The following TAAR2 variants were observed in gnomAD, a reference collection of about 807,000 sequenced individuals.
TAAR2 encodes the protein trace amine associated receptor 2.
TAAR2 carries 30 observed loss-of-function variants against 25.5 expected under a neutral mutation model. That is an observed-to-expected ratio of 1.18 (90% CI 0.88 to 1.60). The LOEUF (loss-of-function observed/expected upper bound fraction) is 1.60, where lower values mean the gene tolerates loss of function less well. Among genes scored for constraint, TAAR2 ranks in the 40% most tolerant of loss-of-function variants. The pLI is 0.00. For missense variants in TAAR2, 481 were observed against 416.5 expected (o/e 1.15, Z -1.35); for synonymous variants, 150 against 142.4 (o/e 1.05, Z -0.38).
rs201583865 is a variant in TAAR2, at chr6:132,618,091, A to G, written c.115T>C (p.Ser39Pro). Residue 39 changes from serine to proline, a missense_variant, in exon 2 of 2, where the codon TCT becomes CCT. Physicochemically the swap from Ser to Pro is moderately conservative, Grantham distance 74 (BLOSUM62 -1). Coordinates refer to ENST00000367931, the MANE Select transcript of TAAR2 (RefSeq NM_001033080.1). Reference protein sequence around the residue: ...GNRSCPENERSLGVRVAMYSF... With the variant: ...GNRSCPENERPLGVRVAMYSF... ...TACATAGCCACTCGGACACCCAGAG[A>G]TCTTTCATTTTCTGGGCAAGATCTA... 18 of 1,612,564 alleles carry G rather than the reference A, an allele frequency of 1.1e-5. No individual in the cohort carries two copies. Among genetic ancestry groups the G allele is most frequent in the Middle Eastern group, 3.3e-4 (2 of 6,020 alleles).
chr6:132,622,354 G>A (rs1353050492), intron 1 of TAAR2, among the ~76,000 whole-genome samples: 1 of 150,380 alleles, frequency 6.6e-6, no homozygotes, highest in Non-Finnish European at 1.5e-5. Flanking sequence ...TTTTTTTAAG[G>A]GGTAGGGAGG....
At chr6:132,618,278 G>T in intron 1 of TAAR2, 133 bp from the exon 2 acceptor site, 1 of 835,350 alleles carries the variant, frequency 1.2e-6, no homozygotes, top group South Asian at 2.1e-5. Flanking sequence ...TATTACTCAT[G>T]ATCTTTCCCA....
intron 1 of TAAR2, among the ~76,000 whole-genome samples, chr6:132,618,642 GA>G (rs879678522): frequency 1.3e-3 from 190 of 141,204 alleles, no homozygotes; most frequent in South Asian, 7.5e-3. Flanking sequence ...TCCATCTCGA[GA>G]AAAAAAAAAA....
chr6:132,621,756 A>G (rs1394227923), intron 1 of TAAR2, among the ~76,000 whole-genome samples: 3 of 152,270 alleles, frequency 2.0e-5, no homozygotes, highest in East Asian at 3.9e-4. Context: ...AACACATAAT[A>G]TGATGTCTAC....
chr6:132,624,237 G>T lies in TAAR2; in HGVS notation c.39C>A (p.Phe13Leu). Residue 13 changes from phenylalanine to leucine, a missense_variant, in exon 1 of 2, where the codon TTC becomes TTA. Phe to Leu is a conservative substitution (Grantham distance 22, BLOSUM62 0). Coordinates refer to ENST00000367931, the MANE Select transcript of TAAR2 (RefSeq NM_001033080.1). Reference sequence around the variant, plus strand: ...CTACCTTTTTTGTCTGTGTTCTTTTGAAATGTGAAAGTTCATGTTGCTCTG... The same window carrying T: ...CTACCTTTTTTGTCTGTGTTCTTTTTAAATGTGAAAGTTCATGTTGCTCTG... The part of the protein sequence containing the change: ...VSSEQHELSH[F>L]KRTQTKKEKF... 2.5e-6 allele frequency: 4 copies of T among 1,613,458 alleles called. No homozygotes were observed. The highest frequency in any genetic ancestry group is 3.4e-6 in the Non-Finnish European group (4 of 1,179,684).
At chr6:132,618,416 G>T (rs976242066) in intron 1 of TAAR2, among the ~76,000 whole-genome samples, 1 of 152,114 alleles carries the variant, frequency 6.6e-6, no homozygotes, top group African/African-American at 2.4e-5. Context: ...GAGGCAGGGG[G>T]AGCACTGAAG....
intron 1 of TAAR2, among the ~76,000 whole-genome samples, chr6:132,623,623 T>A (rs1777403949): frequency 6.6e-6 from 1 of 151,224 alleles, no homozygotes; most frequent in Non-Finnish European, 1.5e-5. Flanking sequence ...TTAATGTGTA[T>A]ATGGAACCAG....
intron 1 of TAAR2, 105 bp downstream of exon 1, chr6:132,624,111 G>A (rs1046068516): frequency 1.4e-5 from 15 of 1,081,920 alleles, no homozygotes; most frequent in East Asian, 1.0e-4. Flanking sequence ...TTTAGATCTG[G>A]AGGAATTGAG....
intron 1 of TAAR2, among the ~76,000 whole-genome samples, chr6:132,621,618 C>CA (rs1400037618): frequency 1.3e-5 from 2 of 151,340 alleles, no homozygotes; most frequent in East Asian, 1.9e-4. Flanking sequence ...CATCTTGCAC[C>CA]CACTCTTGTT....
chr6:132,617,675 C>T lies in TAAR2; in HGVS notation c.531G>A (p.Gly177=). The change falls in exon 2 of 2, where the codon GGG becomes GGA. Residue 177 remains glycine (G), a synonymous_variant. Transcript: ENST00000367931. The part of the protein sequence containing the change: ...CWSVPGAFAF[G]VVFSEAYADG... ...CTGCATAGGCCTCTGAGAAGACCAC[C>T]CCGAAGGCAAATGCTCCAGGGACCG... 2 of 1,613,862 alleles carry T rather than the reference C, an allele frequency of 1.2e-6. No homozygotes were observed. The highest frequency in any genetic ancestry group is 1.7e-6 in the Non-Finnish European group (2 of 1,179,980).
intron 1 of TAAR2, among the ~76,000 whole-genome samples, chr6:132,619,658 A>G (rs1777349472): frequency 6.6e-6 from 1 of 152,238 alleles, no homozygotes; most frequent in Non-Finnish European, 1.5e-5. Flanking sequence ...AAGCACATCA[A>G]CACTTAAAAC....
chr6:132,619,689 G>C (rs556262572), intron 1 of TAAR2, among the ~76,000 whole-genome samples: 3 of 152,300 alleles, frequency 2.0e-5, no homozygotes, highest in Non-Finnish European at 4.4e-5. Flanking sequence ...CTGCACCTCA[G>C]ATGAAAGCAA....
intron 1 of TAAR2, among the ~76,000 whole-genome samples, chr6:132,623,890 T>C (rs981621393): frequency 6.6e-6 from 1 of 151,932 alleles, no homozygotes; most frequent in South Asian, 2.1e-4. Flanking sequence ...CCTTGAGTTA[T>C]GGGGGGACCT....
chr6:132,624,152 T>C (rs1777412344), intron 1 of TAAR2, 64 bp downstream of exon 1: 1 of 1,472,104 alleles, frequency 6.8e-7, no homozygotes, highest in Non-Finnish European at 9.4e-7. Context: ...ATAATTCACA[T>C]GTTTATGCCA....
At position 132,617,317 on chromosome 6, in the gene TAAR2, A is replaced by T; in HGVS notation, c.889T>A (p.Phe297Ile). 6.2e-7 allele frequency: 1 copy of T among 1,613,756 alleles called. No individual in the cohort carries two copies. Among genetic ancestry groups the T allele is most frequent in the Non-Finnish European group, 8.5e-7 (1 of 1,179,900 alleles). The change falls in exon 2 of 2, where the codon TTT (phenylalanine) becomes ATT (isoleucine). Residue 297 changes from phenylalanine (F) to isoleucine (I), a missense_variant. Transcript: ENST00000367931. ...FLNFSTPVVL[F>I]DALTWFGYFN... ...TAGCCAAACCATGTCAAGGCATCAA[A>T]CAAAACTACAGGAGTAGAGAAGTTC...
In TAAR2 at chr6:132,624,228, T is replaced by C; in HGVS notation, c.48A>G (p.Thr16=). ...TTTAAGGGCCTACCTTTTTTGTCTG[T>C]GTTCTTTTGAAATGTGAAAGTTCAT... is the stretch of plus-strand genomic sequence containing the variant. ...EQHELSHFKR[T]QTKKEKFNCS... is the part of the protein sequence containing the mutation. Residue 16 remains threonine, a synonymous_variant, in exon 1 of 2, where the codon ACA becomes ACG. Transcript: ENST00000367931. 6.2e-7 allele frequency: 1 copy of C among 1,613,544 alleles called. No homozygotes were observed. Among genetic ancestry groups the C allele is most frequent in the Non-Finnish European group, 8.5e-7 (1 of 1,179,676 alleles).
At position 132,618,017 on chromosome 6, in the gene TAAR2, G is replaced by A. The variant is rs769114307; in HGVS notation, c.189C>T (p.Ala63=). Residue 63 remains alanine (A), a synonymous_variant, in exon 2 of 2, where the codon GCC becomes GCT. Coordinates refer to ENST00000367931, the MANE Select transcript of TAAR2 (RefSeq NM_001033080.1). ...TGAAGTAGGAAATGGAAATTATCAT[G>A]GCAAGATTGCCAAATATTGTGATGA... ...SIFITIFGNL[A]MIISISYFKQ... 1 of 1,613,984 alleles carries A rather than the reference G, an allele frequency of 6.2e-7. No individual in the cohort carries two copies. Among genetic ancestry groups the A allele is most frequent in the African/African-American group, 1.3e-5 (1 of 75,040 alleles).
chr6:132,624,182 T>G (rs1379009608), intron 1 of TAAR2, 34 bp downstream of exon 1: 1 of 1,598,818 alleles, frequency 6.3e-7, no homozygotes, highest in South Asian at 1.1e-5. Flanking sequence ...CAGATGCTAC[T>G]GGTTTAAACT....
chr6:132,617,260 C>A lies in TAAR2; in HGVS notation c.946G>T (p.Gly316Cys), dbSNP rs530254657. 3.7e-6 allele frequency: 6 copies of A among 1,613,586 alleles called. No individual in the cohort carries two copies. In the East Asian group the frequency reaches 1.1e-4, roughly 30 times the overall value. The change falls in exon 2 of 2, where the codon GGT becomes TGT. Residue 316 changes from glycine (G) to cysteine (C), a missense_variant. Coordinates refer to ENST00000367931, the MANE Select transcript of TAAR2 (RefSeq NM_001033080.1). ...CTGCGAAACCAGGGATAGAAGAAACCATATATTAACGGATTACATGTGGAG... is the reference window on the plus strand; with the variant it reads ...CTGCGAAACCAGGGATAGAAGAAACAATATATTAACGGATTACATGTGGAG... ...FNSTCNPLIY[G>C]FFYPWFRRAL... is the part of the protein sequence containing the mutation.
Sources: allele counts gnomAD v4.1 joint callset (sites outside exome capture counted in the v4.1 genomes callset), GRCh38; gene constraint gnomAD v4.1.1; transcripts MANE v1.5; gene names NCBI Gene and HGNC (gene_info 2026-07-23, HGNC 2026-07-21).